COBL: variants seen among roughly 807,000 people sequenced by gnomAD.
COBL encodes the protein protein cordon-bleu.
Under a neutral mutation model 98.8 loss-of-function variants are expected in COBL, and 51 were observed. The ratio of observed to expected loss-of-function variants is 0.52; its 90% CI spans 0.41 to 0.65. COBL has a LOEUF of 0.65. Ranked by LOEUF, COBL falls within the 30% of genes least tolerant of loss-of-function variation. The pLI is 0.00. For missense variants in COBL, 1,617 were observed against 1,617.5 expected (o/e 1.00, Z 0.01); for synonymous variants, 634 against 651.7 (o/e 0.97, Z 0.41).
At chr7:51,061,785 T>C (rs1791384627) in intron 7 of COBL, among the ~76,000 whole-genome samples, 1 of 152,136 alleles carries the variant, frequency 6.6e-6, no homozygotes, top group African/African-American at 2.4e-5. Flanking sequence ...TCTTCTCCTG[T>C]GCTTGAGCAT....
chr7:51,198,799 C>A (rs556609988), intron 2 of COBL, among the ~76,000 whole-genome samples: 1 of 152,176 alleles, frequency 6.6e-6, no homozygotes, highest in Non-Finnish European at 1.5e-5. Flanking sequence ...GGCTCATGTA[C>A]CCCAACAGAA....
In COBL at chr7:51,295,236, A is replaced by C. The variant is rs1330023357; in HGVS notation, c.41+21357T>G. Among the ~76,000 whole-genome samples, 2 of 151,160 alleles carry C rather than the reference A, an allele frequency of 1.3e-5. 1 individual carries two copies. Among genetic ancestry groups the C allele is most frequent in the South Asian group, 4.2e-4 (2 of 4,780 alleles). Reference sequence around the variant, plus strand: ...GGGAGGCAGAGGTTGTCGTGAGCTGATATCGCACCACTGCACTCCAGCCTG... The same window carrying C: ...GGGAGGCAGAGGTTGTCGTGAGCTGCTATCGCACCACTGCACTCCAGCCTG... On this transcript the variant is annotated intron_variant, in intron 1 of 12. Transcript: ENST00000265136.
At chr7:51,287,785 T>C (rs1470212948) in intron 1 of COBL, among the ~76,000 whole-genome samples, 1 of 151,682 alleles carries the variant, frequency 6.6e-6, no homozygotes, top group African/African-American at 2.4e-5. Flanking sequence ...ACCCATATGA[T>C]AGAAGATGAC....
intron 8 of COBL, among the ~76,000 whole-genome samples, chr7:51,036,871 T>A (rs987101717): frequency 1.3e-5 from 2 of 152,228 alleles, no homozygotes; most frequent in Non-Finnish European, 2.9e-5. Context: ...AGCATTCCTG[T>A]GGAATTGATG....
chr7:51,082,801 T>C (rs1464800687), intron 7 of COBL, among the ~76,000 whole-genome samples: 1 of 152,218 alleles, frequency 6.6e-6, no homozygotes, highest in Non-Finnish European at 1.5e-5. Context: ...GGCTCCTAGC[T>C]GACATCTCTA....
intron 1 of COBL, among the ~76,000 whole-genome samples, chr7:51,286,211 T>C (rs1800344764): frequency 6.6e-6 from 1 of 150,610 alleles, no homozygotes; most frequent in Admixed American, 6.6e-5. Flanking sequence ...CTAGATATGG[T>C]GCCTAAATCA....
chr7:51,279,762 A>C (rs1192975424), intron 1 of COBL, among the ~76,000 whole-genome samples: 1 of 152,184 alleles, frequency 6.6e-6, no homozygotes, highest in East Asian at 1.9e-4. Context: ...ATTTCCCTAA[A>C]AATCCTCTGT....
At chr7:51,261,235 G>C (rs1019347101) in intron 1 of COBL, among the ~76,000 whole-genome samples, 2 of 152,198 alleles carry the variant, frequency 1.3e-5, no homozygotes, top group Non-Finnish European at 2.9e-5. Context: ...GCCTTTGGCT[G>C]GGCGTGGTGG....
At chr7:51,094,872 G>A (rs1795135292) in intron 6 of COBL, among the ~76,000 whole-genome samples, 1 of 151,892 alleles carries the variant, frequency 6.6e-6, no homozygotes, top group Non-Finnish European at 1.5e-5. Context: ...AATATGATGT[G>A]TATAGGGTGA....
intron 1 of COBL, among the ~76,000 whole-genome samples, chr7:51,280,916 A>T (rs1799768842): frequency 6.6e-6 from 1 of 152,218 alleles, no homozygotes; most frequent in Non-Finnish European, 1.5e-5. Context: ...CAATTGCCAG[A>T]TTTAAAAATT....
chr7:51,274,975 A>T (rs142687493), intron 1 of COBL, among the ~76,000 whole-genome samples: 1 of 152,216 alleles, frequency 6.6e-6, no homozygotes, highest in Non-Finnish European at 1.5e-5. Flanking sequence ...GGAAACACCG[A>T]TATTAACAAA....
In COBL at chr7:51,229,424, G is replaced by A. The variant is rs572163916; in HGVS notation, c.42-9480C>T. Among the ~76,000 whole-genome samples the A allele has an allele frequency of 2.0e-5, 3 of 152,334 alleles. No individual in the cohort carries two copies. In the East Asian group the frequency reaches 5.8e-4, roughly 29 times the overall value. On this transcript the variant is annotated intron_variant, in intron 1 of 12. Coordinates refer to ENST00000265136, the MANE Select transcript of COBL (RefSeq NM_015198.5). Reference sequence around the variant, plus strand: ...CCGCGAGAGTTGTGAGGGAGGAAGGGCTGAGCTCGCCTTTCATCGGGATGC... The same window carrying A: ...CCGCGAGAGTTGTGAGGGAGGAAGGACTGAGCTCGCCTTTCATCGGGATGC...
At position 51,232,790 on chromosome 7, in the gene COBL, G is replaced by A. The variant is rs144899821; in HGVS notation, c.42-12846C>T. 1.8e-3 allele frequency among the ~76,000 whole-genome samples: 270 copies of A among 151,968 alleles called. 2 individuals carry two copies. The highest frequency in any genetic ancestry group is 5.7e-3 in the African/African-American group (237 of 41,438). On this transcript the variant is annotated intron_variant, in intron 1 of 12. Transcript: ENST00000265136. ...CGTGCCACTGCACTCCAGCCTGGAT[G>A]ACAGAGAGAGACCCCACCACAAAAA...
intron 5 of COBL, among the ~76,000 whole-genome samples, chr7:51,147,428 C>T (rs867897969): frequency 6.6e-5 from 10 of 152,120 alleles, no homozygotes; most frequent in South Asian, 4.1e-4. Flanking sequence ...GAGAGTACAC[C>T]GAACAAAGGA....
chr7:51,221,525 T>C (rs987046030), intron 1 of COBL, among the ~76,000 whole-genome samples: 19 of 152,254 alleles, frequency 1.2e-4, no homozygotes, highest in Non-Finnish European at 2.1e-4. Flanking sequence ...CCTAAAAGTA[T>C]ATTGTTTTAT....
chr7:51,145,207 G>T (rs779832784), intron 5 of COBL, among the ~76,000 whole-genome samples: 5 of 151,898 alleles, frequency 3.3e-5, no homozygotes, highest in Non-Finnish European at 5.9e-5. Flanking sequence ...GTAGAGACAG[G>T]GTTTCACCAT....
chr7:51,109,525 C>A (rs1287126602), intron 6 of COBL, among the ~76,000 whole-genome samples: 1 of 152,120 alleles, frequency 6.6e-6, no homozygotes, highest in African/African-American at 2.4e-5. Flanking sequence ...TTGCCCCCCA[C>A]CCCTGGCTAC....
At chr7:51,306,621 C>T (rs573729614) in intron 1 of COBL, among the ~76,000 whole-genome samples, 197 of 152,284 alleles carry the variant, frequency 1.3e-3, no homozygotes, top group Non-Finnish European at 2.1e-3. Context: ...GATTCGACTC[C>T]TTACACTAAT....
intron 1 of COBL, among the ~76,000 whole-genome samples, chr7:51,266,368 CG>C (rs1271181081): frequency 1.3e-5 from 2 of 152,186 alleles, no homozygotes; most frequent in African/African-American, 4.8e-5. Context: ...CACCTGAGGT[CG>C]GGAGTTTGAG....
Sources: gnomAD v4.1 joint callset for allele counts (sites outside exome capture counted in the v4.1 genomes callset) on GRCh38, gnomAD v4.1.1 for gene constraint, MANE v1.5 for transcripts, NCBI Gene and HGNC (gene_info 2026-07-23, HGNC 2026-07-21) for gene names.